Variants in SLC36A3 observed in about 807,000 individuals in gnomAD.
SLC36A3 encodes proton-coupled amino acid transporter 3.
In SLC36A3, 35 loss-of-function variants were observed where a neutral mutation model predicts 44.3. That is an observed-to-expected ratio of 0.79 (90% confidence interval 0.60 to 1.05). SLC36A3 has a LOEUF of 1.05. Among genes scored for constraint, SLC36A3 ranks in the 50% least tolerant of loss-of-function variants. The pLI is 0.00. For missense variants in SLC36A3, 540 were observed against 578.7 expected, an observed-to-expected ratio of 0.93 and a Z score of 0.69; for synonymous variants, 211 against 227.6, an observed-to-expected ratio of 0.93 and a Z score of 0.66.
At chr5:151,296,154 G>C (rs770514165) in intron 3 of SLC36A3, 26 bp downstream of exon 3, 1 of 1,612,502 alleles carries the variant, frequency 6.2e-7, no homozygotes, top group African/African-American at 1.3e-5. Context: ...CCCAGTGCTG[G>C]AATGAGAGAG....
intron 4 of SLC36A3, among the ~76,000 whole-genome samples, chr5:151,291,208 C>T (rs1007941075): frequency 6.6e-6 from 1 of 152,076 alleles, no homozygotes; most frequent in Non-Finnish European, 1.5e-5. Flanking sequence ...GTCTTGACAC[C>T]TGGTCTCAAG....
chr5:151,282,772 G>A (rs1048933095), intron 8 of SLC36A3, among the ~76,000 whole-genome samples: 2 of 152,268 alleles, frequency 1.3e-5, no homozygotes, highest in East Asian at 1.9e-4. Flanking sequence ...CTGTCCTAGT[G>A]TATAAAAAGA....
chr5:151,288,598 T>C (rs888421024), intron 4 of SLC36A3, 128 bp from the exon 5 acceptor site: 1 of 796,318 alleles, frequency 1.3e-6, no homozygotes, highest in Non-Finnish European at 1.8e-6. Context: ...TTCTTTTATT[T>C]TGAAAAATTT....
intron 1 of SLC36A3, 93 bp downstream of exon 1, chr5:151,303,134 G>A (rs1273907423): frequency 6.2e-6 from 9 of 1,444,724 alleles, no homozygotes; most frequent in African/African-American, 2.8e-5. Flanking sequence ...TGGAATAAGC[G>A]TGTTAAGGAG....
intron 9 of SLC36A3, 151 bp from the exon 10 acceptor site, chr5:151,277,812 C>T (rs1754152318): frequency 2.4e-6 from 2 of 824,788 alleles, no homozygotes; most frequent in South Asian, 1.8e-5. Flanking sequence ...GCAACTCCCA[C>T]CCCTGTCTTA....
chr5:151,282,107 C>CTTTTTTTTTTTTT (rs1221489311), intron 8 of SLC36A3, among the ~76,000 whole-genome samples: 1 of 75,618 alleles, frequency 1.3e-5, no homozygotes, highest in Non-Finnish European at 2.6e-5. Context: ...TTTTCTTTTT[C>CTTTTTTTTTTTTT]TTTGTTTTTT....
chr5:151,286,867 G>T (rs1261754384), intron 6 of SLC36A3, among the ~76,000 whole-genome samples: 3 of 152,048 alleles, frequency 2.0e-5, no homozygotes, highest in Non-Finnish European at 4.4e-5. Context: ...TTGGTGATTT[G>T]ATTGATGTTT....
intron 3 of SLC36A3, among the ~76,000 whole-genome samples, chr5:151,294,532 C>G (rs1241971556): frequency 6.6e-6 from 1 of 152,002 alleles, no homozygotes; most frequent in Non-Finnish European, 1.5e-5. Flanking sequence ...AAAATGAAGG[C>G]TCAGAAGCAG....
chr5:151,301,994 G>T (rs928551956), intron 1 of SLC36A3, among the ~76,000 whole-genome samples: 1 of 152,162 alleles, frequency 6.6e-6, no homozygotes, highest in Non-Finnish European at 1.5e-5. Flanking sequence ...TAAAGAACTA[G>T]ATTGTAATAC....
intron 4 of SLC36A3, among the ~76,000 whole-genome samples, chr5:151,292,099 G>A (rs1208290645): frequency 6.6e-6 from 1 of 152,130 alleles, no homozygotes; most frequent in Non-Finnish European, 1.5e-5. Flanking sequence ...GACCTCAGGT[G>A]ATCCACCCAC....
intron 2 of SLC36A3, 146 bp downstream of exon 2, chr5:151,298,447 C>A (rs1755035249): frequency 2.7e-6 from 2 of 743,368 alleles, no homozygotes; most frequent in African/African-American, 3.5e-5. Context: ...CAGGTTGACT[C>A]CAGGGGATTG....
chr5:151,289,157 C>CAT (rs893600744), intron 4 of SLC36A3: 1 of 152,244 alleles, frequency 6.6e-6, no homozygotes, highest in Non-Finnish European at 1.5e-5. Context: ...TCAATATCTT[C>CAT]ATATATATAC....
At position 151,284,079 on chromosome 5, in the gene SLC36A3, G is replaced by T; in HGVS notation, c.939C>A (p.Thr313=). The stretch of plus-strand genomic sequence containing the variant: ...GCAAGTTGAGGGTGATGCTGGCCTG[G>T]GTGTCTGACCCAAACTTCATGTAGC... ...TLGYMKFGSD[T]QASITLNLPN... The change falls in exon 8 of 10, where the codon ACC becomes ACA. Residue 313 remains threonine, a synonymous_variant. Coordinates refer to ENST00000335230, the MANE Select transcript of SLC36A3 (RefSeq NM_181774.4). 6 of 1,613,606 alleles carry T rather than the reference G, an allele frequency of 3.7e-6. No homozygotes were observed. The highest frequency in any genetic ancestry group is 5.1e-6 in the Non-Finnish European group (6 of 1,179,848).
intron 3 of SLC36A3, 42 bp downstream of exon 3, chr5:151,296,138 A>G (rs772940841): frequency 6.3e-7 from 1 of 1,595,994 alleles, no homozygotes; most frequent in Non-Finnish European, 8.6e-7. Context: ...ACACCCTCAG[A>G]GGGGCCCCAG....
At chr5:151,300,549 T>G (rs1755135217) in intron 1 of SLC36A3, among the ~76,000 whole-genome samples, 1 of 152,220 alleles carries the variant, frequency 6.6e-6, no homozygotes, top group Non-Finnish European at 1.5e-5. Context: ...TCTGCTCTTT[T>G]TTCCTTTGTC....
intron 6 of SLC36A3, among the ~76,000 whole-genome samples, chr5:151,285,514 C>G (rs1754503507): frequency 6.6e-6 from 1 of 152,198 alleles, no homozygotes; most frequent in Non-Finnish European, 1.5e-5. Flanking sequence ...AGTATAGCAG[C>G]TCTCATGAAT....
chr5:151,288,752 TAC>T (rs1429205776), intron 4 of SLC36A3, among the ~76,000 whole-genome samples: 4 of 150,918 alleles, frequency 2.7e-5, no homozygotes, highest in Admixed American at 6.6e-5. Context: ...TATTCGTCTA[TAC>T]ACACACACAC....
At chr5:151,287,005 C>T (rs533285412) in intron 6 of SLC36A3, among the ~76,000 whole-genome samples, 1 of 151,694 alleles carries the variant, frequency 6.6e-6, no homozygotes, top group South Asian at 2.1e-4. Flanking sequence ...TGTTGAATGA[C>T]CCATTATTAT....
At chr5:151,290,431 T>C (rs1754712822) in intron 4 of SLC36A3, among the ~76,000 whole-genome samples, 1 of 152,218 alleles carries the variant, frequency 6.6e-6, no homozygotes, top group South Asian at 2.1e-4. Flanking sequence ...ATTTAATGAA[T>C]ATAACGAGAA....
Sources: allele counts gnomAD v4.1 joint callset (sites outside exome capture counted in the v4.1 genomes callset), GRCh38; gene constraint gnomAD v4.1.1; transcripts MANE v1.5; gene names NCBI Gene and HGNC (gene_info 2026-07-23, HGNC 2026-07-21).